TESC: variants seen among roughly 807,000 people sequenced by gnomAD.
TESC encodes calcineurin B homologous protein 3.
A neutral mutation model predicts 31.0 loss-of-function variants in TESC; 19 were observed. The ratio of observed to expected loss-of-function variants is 0.61; its 90% CI spans 0.43 to 0.90. The LOEUF (loss-of-function observed/expected upper bound fraction) is 0.90, where lower values mean the gene tolerates loss of function less well. Ranked by LOEUF, TESC falls within the 40% of genes least tolerant of loss-of-function variation. The pLI is 0.00. For missense variants in TESC, 248 were observed against 303.8 expected (o/e 0.82, Z 1.36); for synonymous variants, 109 against 114.8 (o/e 0.95, Z 0.32).
chr12:117,056,752 G>C (rs1351823771), intron 3 of TESC, 54 bp downstream of exon 3: 2 of 1,566,062 alleles, frequency 1.3e-6, no homozygotes, highest in Admixed American at 1.7e-5. Context: ...ATCCCGAGAT[G>C]TTACACAAGA....
intron 1 of TESC, among the ~76,000 whole-genome samples, chr12:117,088,256 G>A (rs1354178729): frequency 6.6e-6 from 1 of 152,178 alleles, no homozygotes; most frequent in Non-Finnish European, 1.5e-5. Context: ...CAGTGAATCA[G>A]GAAAGATTTT....
intron 1 of TESC, among the ~76,000 whole-genome samples, chr12:117,080,978 G>A (rs903794709): frequency 1.3e-5 from 2 of 152,192 alleles, no homozygotes; most frequent in Admixed American, 1.3e-4. Context: ...TGCGGATGAT[G>A]GGCAGAATGG....
intron 1 of TESC, among the ~76,000 whole-genome samples, chr12:117,077,292 G>A (rs1955087221): frequency 6.6e-6 from 1 of 152,192 alleles, no homozygotes; most frequent in African/African-American, 2.4e-5. Flanking sequence ...TGTAGCCACT[G>A]ACACTTGGAA....
intron 1 of TESC, among the ~76,000 whole-genome samples, chr12:117,094,755 C>A (rs1478992124): frequency 2.6e-5 from 4 of 152,006 alleles, no homozygotes; most frequent in Non-Finnish European, 4.4e-5. Context: ...GTGGCTCACA[C>A]CTGTAATCCC....
chr12:117,095,443 A>C (rs1262696538), intron 1 of TESC, among the ~76,000 whole-genome samples: 2 of 152,348 alleles, frequency 1.3e-5, no homozygotes, highest in East Asian at 3.9e-4. Context: ...CATCAAATGA[A>C]AACAGTGCTC....
chr12:117,046,971 T>C, intron 4 of TESC, 133 bp from the exon 5 acceptor site: 1 of 961,280 alleles, frequency 1.0e-6, no homozygotes, highest in South Asian at 1.5e-5. Flanking sequence ...GGTCAGGGCA[T>C]GAGCTGTGGG....
intron 1 of TESC, among the ~76,000 whole-genome samples, chr12:117,085,757 G>A: frequency 6.6e-6 from 1 of 152,182 alleles, no homozygotes; most frequent in East Asian, 1.9e-4. Context: ...GTGAGTCTCT[G>A]CTATGCATCC....
chr12:117,045,881 T>G (rs1041585983), intron 6 of TESC, among the ~76,000 whole-genome samples: 13 of 152,184 alleles, frequency 8.5e-5, no homozygotes, highest in African/African-American at 3.1e-4. Context: ...GCTTAGAGCC[T>G]TAGGGCTGGG....
chr12:117,041,820 T>G, intron 7 of TESC, 127 bp downstream of exon 7: 147 of 880,076 alleles, frequency 1.7e-4, no homozygotes, highest in Non-Finnish European at 2.2e-4. Flanking sequence ...CCCTTCCTAC[T>G]GAGATGTTGG....
At chr12:117,066,062 C>T (rs1319940200) in intron 2 of TESC, among the ~76,000 whole-genome samples, 2 of 152,122 alleles carry the variant, frequency 1.3e-5, no homozygotes, top group Non-Finnish European at 2.9e-5. Context: ...CTCTTCTCTT[C>T]ACACACCGGC....
At chr12:117,054,530 C>T (rs1245165219) in intron 3 of TESC, among the ~76,000 whole-genome samples, 2 of 152,144 alleles carry the variant, frequency 1.3e-5, no homozygotes, top group Non-Finnish European at 2.9e-5. Context: ...AACCTTCTCT[C>T]CCTGCTTTTC....
chr12:117,098,659 G>C (rs1955427474), intron 1 of TESC: 2 of 152,312 alleles, frequency 1.3e-5, no homozygotes, highest in Admixed American at 1.3e-4. Context: ...GTGCTCTGCG[G>C]CCGCTGCCTC....
intron 1 of TESC, among the ~76,000 whole-genome samples, chr12:117,098,907 C>G (rs1219070409): frequency 7.9e-5 from 12 of 151,830 alleles, no homozygotes; most frequent in Non-Finnish European, 7.4e-5. Flanking sequence ...GAGGGACTTG[C>G]CCGCCCGGCC....
At chr12:117,070,869 G>A (rs1954961321) in intron 2 of TESC, among the ~76,000 whole-genome samples, 1 of 152,112 alleles carries the variant, frequency 6.6e-6, no homozygotes, top group Non-Finnish European at 1.5e-5. Context: ...TACTCAGGAG[G>A]CTGAAGCAGG....
chr12:117,084,997 A>G (rs1955197887), intron 1 of TESC, among the ~76,000 whole-genome samples: 1 of 152,236 alleles, frequency 6.6e-6, no homozygotes, highest in African/African-American at 2.4e-5. Flanking sequence ...CCACTCTGCT[A>G]GAAATGCACA....
intron 2 of TESC, among the ~76,000 whole-genome samples, chr12:117,073,739 C>T (rs1365746099): frequency 6.6e-6 from 1 of 152,104 alleles, no homozygotes; most frequent in Non-Finnish European, 1.5e-5. Context: ...TTGAAGCTTC[C>T]CCATGAACTC....
chr12:117,079,486 C>T (rs920431451), intron 1 of TESC, among the ~76,000 whole-genome samples: 1 of 151,578 alleles, frequency 6.6e-6, no homozygotes, highest in Non-Finnish European at 1.5e-5. Flanking sequence ...CACTTGAACC[C>T]GGGAGGCGGA....
At chr12:117,075,986 T>C (rs1292775381) in intron 1 of TESC, among the ~76,000 whole-genome samples, 1 of 86,416 alleles carries the variant, frequency 1.2e-5, no homozygotes. Context: ...TATATATATA[T>C]TTTTTTTTTT....
At chr12:117,067,628 G>A (rs1162033487) in intron 2 of TESC, among the ~76,000 whole-genome samples, 3 of 152,168 alleles carry the variant, frequency 2.0e-5, no homozygotes, top group Non-Finnish European at 4.4e-5. Flanking sequence ...CAAAGTGACT[G>A]GGTTAAAAGG....
Sources: gnomAD v4.1 joint callset for allele counts (sites outside exome capture counted in the v4.1 genomes callset) on GRCh38, gnomAD v4.1.1 for gene constraint, MANE v1.5 for transcripts, NCBI Gene and HGNC (gene_info 2026-07-23, HGNC 2026-07-21) for gene names.